SLIT2: variants seen among roughly 807,000 people sequenced by gnomAD.
The protein encoded by SLIT2 is slit homolog 2 protein.
SLIT2 carries 41 observed loss-of-function variants against 185.7 expected under a neutral mutation model. The observed-to-expected ratio is 0.22, with a 90% CI of 0.17 to 0.29. The LOEUF (loss-of-function observed/expected upper bound fraction) is 0.29. Among genes scored for constraint, SLIT2 ranks in the 10% least tolerant of loss-of-function variants. The probability of loss-of-function intolerance (pLI) is 1.00; values close to 1 mark genes in which losing one functional copy is unlikely to be tolerated. For synonymous variants in SLIT2, 693 were observed against 680.2 expected (o/e 1.02, Z -0.29); for missense variants, 1,571 against 1,909.0 (o/e 0.82, Z 3.30).
chr4:20,322,310 C>T (rs919401212), intron 4 of SLIT2, among the ~76,000 whole-genome samples: 4 of 152,088 alleles, frequency 2.6e-5, no homozygotes, highest in African/African-American at 7.2e-5. Flanking sequence ...TTTAGGGAGA[C>T]ATGAGACATC....
chr4:20,278,235 T>TTTG (rs1553870068), intron 4 of SLIT2, among the ~76,000 whole-genome samples: 3 of 151,702 alleles, frequency 2.0e-5, no homozygotes, highest in Non-Finnish European at 2.9e-5. Context: ...TGTTTTTTTT[T>TTTG]TTGTTGTTGT....
At chr4:20,361,148 C>T (rs1018164392) in intron 4 of SLIT2, among the ~76,000 whole-genome samples, 6 of 152,026 alleles carry the variant, frequency 3.9e-5, no homozygotes, top group South Asian at 2.1e-4. Context: ...TATTAAGGCT[C>T]CTTAGGTGAG....
chr4:20,281,710 G>A (rs1714792516), intron 4 of SLIT2, among the ~76,000 whole-genome samples: 1 of 152,134 alleles, frequency 6.6e-6, no homozygotes, highest in South Asian at 2.1e-4. Context: ...AAGCAGCATA[G>A]TTACATTTGA....
chr4:20,610,234 G>A (rs1406703295), intron 34 of SLIT2, 67 bp downstream of exon 34: 3 of 1,362,030 alleles, frequency 2.2e-6, no homozygotes, highest in African/African-American at 1.4e-5. Context: ...GAATTCTGAA[G>A]TTTGTTAATG....
intron 4 of SLIT2, among the ~76,000 whole-genome samples, chr4:20,307,875 T>G (rs1295674416): frequency 6.6e-6 from 1 of 152,186 alleles, no homozygotes; most frequent in East Asian, 1.9e-4. Context: ...TGAGACCCAC[T>G]GCCTGTCCCC....
chr4:20,453,490 T>C (rs1712707331), intron 4 of SLIT2, among the ~76,000 whole-genome samples: 1 of 152,208 alleles, frequency 6.6e-6, no homozygotes, highest in African/African-American at 2.4e-5. Flanking sequence ...GTTATTAATA[T>C]GTGTAAGGCC....
At chr4:20,290,918 C>A (rs951860407) in intron 4 of SLIT2, among the ~76,000 whole-genome samples, 3 of 152,058 alleles carry the variant, frequency 2.0e-5, no homozygotes, top group African/African-American at 7.2e-5. Context: ...AATTATTATG[C>A]CCATTTCCTT....
At chr4:20,560,749 A>G (rs966357143) in intron 26 of SLIT2, among the ~76,000 whole-genome samples, 2 of 151,928 alleles carry the variant, frequency 1.3e-5, no homozygotes, top group African/African-American at 2.4e-5. Context: ...TGAGTGAACA[A>G]TCTAATGGAG....
At chr4:20,601,589 C>T (rs561082889) in intron 33 of SLIT2, among the ~76,000 whole-genome samples, 4 of 152,302 alleles carry the variant, frequency 2.6e-5, no homozygotes, top group East Asian at 1.9e-4. Context: ...TTACATAACT[C>T]TTAGCTCTGA....
At chr4:20,309,631 T>G (rs1717895988) in intron 4 of SLIT2, among the ~76,000 whole-genome samples, 1 of 152,102 alleles carries the variant, frequency 6.6e-6, no homozygotes, top group African/African-American at 2.4e-5. Flanking sequence ...ATACTTAATT[T>G]GCTATATCTA....
At chr4:20,585,975 A>AT (rs1178820565) in intron 29 of SLIT2, among the ~76,000 whole-genome samples, 1 of 152,196 alleles carries the variant, frequency 6.6e-6, no homozygotes, top group Non-Finnish European at 1.5e-5. Context: ...AATGTTAGTC[A>AT]TTTTATCTCT....
chr4:20,613,992 C>T (rs532990534), intron 34 of SLIT2, among the ~76,000 whole-genome samples: 3 of 152,278 alleles, frequency 2.0e-5, no homozygotes, highest in Admixed American at 2.0e-4. Flanking sequence ...CTGCCTCAGC[C>T]TCCCAAGTAG....
chr4:20,281,665 C>CT (rs1264757613), intron 4 of SLIT2, among the ~76,000 whole-genome samples: 1 of 152,114 alleles, frequency 6.6e-6, no homozygotes, highest in African/African-American at 2.4e-5. Context: ...ACCCTGGATT[C>CT]TTCTTTTATT....
chr4:20,433,331 C>T (rs1158871753), intron 4 of SLIT2, among the ~76,000 whole-genome samples: 1 of 152,188 alleles, frequency 6.6e-6, no homozygotes, highest in Admixed American at 6.5e-5. Flanking sequence ...GACAAGAGAA[C>T]TTGTTAGACA....
At chr4:20,496,768 G>C (rs1038285070) in intron 9 of SLIT2, among the ~76,000 whole-genome samples, 3 of 152,128 alleles carry the variant, frequency 2.0e-5, no homozygotes, top group African/African-American at 7.2e-5. Context: ...GTAGGCACTT[G>C]ATAAATATTT....
At chr4:20,613,925 G>A (rs745459162) in intron 34 of SLIT2, among the ~76,000 whole-genome samples, 1 of 152,100 alleles carries the variant, frequency 6.6e-6, no homozygotes, top group Non-Finnish European at 1.5e-5. Flanking sequence ...AGGCTGGAGC[G>A]CAATGGCACG....
chr4:20,322,771 G>A (rs537413763), intron 4 of SLIT2, among the ~76,000 whole-genome samples: 3 of 152,228 alleles, frequency 2.0e-5, no homozygotes, highest in African/African-American at 7.2e-5. Flanking sequence ...TCCCCGCAGT[G>A]TCTAGCACAG....
At chr4:20,552,235 A>C (rs1362327993) in intron 25 of SLIT2, among the ~76,000 whole-genome samples, 1 of 152,198 alleles carries the variant, frequency 6.6e-6, no homozygotes, top group African/African-American at 2.4e-5. Context: ...GTCAGGCATC[A>C]GAAAAGGCTT....
chr4:20,431,643 G>C (rs536507953), intron 4 of SLIT2, among the ~76,000 whole-genome samples: 3 of 152,324 alleles, frequency 2.0e-5, no homozygotes, highest in African/African-American at 7.2e-5. Context: ...CTTCTACAGA[G>C]ACAGAGAGAG....
Sources: allele counts gnomAD v4.1 joint callset (sites outside exome capture counted in the v4.1 genomes callset), GRCh38; gene constraint gnomAD v4.1.1; transcripts MANE v1.5; gene names NCBI Gene and HGNC (gene_info 2026-07-23, HGNC 2026-07-21).